The following COL8A1 variants were observed in gnomAD, a reference collection of about 807,000 sequenced individuals.
COL8A1 encodes the protein collagen alpha-1(VIII) chain.
In COL8A1, 21 loss-of-function variants were observed where a neutral mutation model predicts 42.7. The ratio of observed to expected loss-of-function variants is 0.49; its 90% CI spans 0.35 to 0.71. COL8A1 has a LOEUF of 0.71. Among genes scored for constraint, COL8A1 ranks in the 30% least tolerant of loss-of-function variants. COL8A1 has a pLI of 0.01. For missense variants in COL8A1, 788 were observed against 962.4 expected (o/e 0.82, Z 2.40); for synonymous variants, 367 against 369.1 (o/e 0.99, Z 0.06).
chr3:99,715,612 C>T (rs1452079716), intron 1 of COL8A1, among the ~76,000 whole-genome samples: 1 of 152,000 alleles, frequency 6.6e-6, no homozygotes, highest in Non-Finnish European at 1.5e-5. Context: ...TGACAGTTCC[C>T]AACCTCCCAA....
intron 1 of COL8A1, among the ~76,000 whole-genome samples, chr3:99,704,559 A>G (rs1002209240): frequency 3.3e-5 from 5 of 152,322 alleles, no homozygotes; most frequent in African/African-American, 9.6e-5. Context: ...AGTTAATATC[A>G]GGGTCGAATT....
intron 1 of COL8A1, among the ~76,000 whole-genome samples, chr3:99,653,135 A>T (rs547944820): frequency 5.2e-4 from 79 of 152,230 alleles, no homozygotes; most frequent in Non-Finnish European, 8.7e-4. Context: ...GGTGCTCAAT[A>T]AAAGTTTATT....
At chr3:99,641,559 G>A (rs368348980) in intron 1 of COL8A1, among the ~76,000 whole-genome samples, 32 of 152,292 alleles carry the variant, frequency 2.1e-4, no homozygotes, top group East Asian at 7.7e-4. Flanking sequence ...GATGGGTCAC[G>A]TCAACAAAAC....
chr3:99,730,050 G>A (rs1940455595), intron 1 of COL8A1, among the ~76,000 whole-genome samples: 1 of 152,060 alleles, frequency 6.6e-6, no homozygotes, highest in African/African-American at 2.4e-5. Flanking sequence ...ACCAAACTCT[G>A]GGATGATGTC....
At chr3:99,769,463 A>G (rs571186941) in intron 2 of COL8A1, among the ~76,000 whole-genome samples, 1 of 152,252 alleles carries the variant, frequency 6.6e-6, no homozygotes, top group African/African-American at 2.4e-5. Context: ...AAACTTTTCC[A>G]AAAGGCAGGG....
intron 2 of COL8A1, among the ~76,000 whole-genome samples, chr3:99,777,887 A>T (rs1233375100): frequency 6.6e-6 from 1 of 152,212 alleles, no homozygotes; most frequent in Non-Finnish European, 1.5e-5. Flanking sequence ...ATTGCTACAT[A>T]AGGGAAAGCT....
chr3:99,664,640 C>T (rs1195130071), intron 1 of COL8A1, among the ~76,000 whole-genome samples: 1 of 152,230 alleles, frequency 6.6e-6, no homozygotes, highest in African/African-American at 2.4e-5. Flanking sequence ...TCTGACATCC[C>T]TCTTCCCACT....
chr3:99,642,354 C>A (rs1037680535), intron 1 of COL8A1, among the ~76,000 whole-genome samples: 4 of 152,104 alleles, frequency 2.6e-5, no homozygotes, highest in African/African-American at 9.7e-5. Context: ...AGCCTGAAGT[C>A]GTGTGTACTC....
In COL8A1 at chr3:99,698,955, G is replaced by A. The variant is rs145060423; in HGVS notation, c.-128-45942G>A. Among the ~76,000 whole-genome samples the A allele has an allele frequency of 2.3e-3, 354 of 152,268 alleles. 4 individuals carry two copies. Among genetic ancestry groups the A allele is most frequent in the African/African-American group, 8.1e-3 (338 of 41,562 alleles). ...TAGTCAAGGAATGCTCCATAGAAGCGGGGAAGATAAGTCAAATTTGAAGAA... is the reference window on the plus strand; with the variant it reads ...TAGTCAAGGAATGCTCCATAGAAGCAGGGAAGATAAGTCAAATTTGAAGAA... On this transcript the variant is annotated intron_variant, in intron 1 of 3. Coordinates refer to ENST00000652472, the MANE Select transcript of COL8A1 (RefSeq NM_020351.4).
At chr3:99,648,631 A>G (rs762881556) in intron 1 of COL8A1, among the ~76,000 whole-genome samples, 17 of 152,194 alleles carry the variant, frequency 1.1e-4, no homozygotes, top group Non-Finnish European at 2.1e-4. Context: ...ACTCTCCCCA[A>G]GTGAAGACAA....
intron 2 of COL8A1, among the ~76,000 whole-genome samples, chr3:99,752,031 T>C (rs1433852169): frequency 6.6e-6 from 1 of 152,172 alleles, no homozygotes; most frequent in Non-Finnish European, 1.5e-5. Context: ...TTTAATGCAT[T>C]TATGAAAATA....
intron 2 of COL8A1, among the ~76,000 whole-genome samples, chr3:99,788,279 C>A (rs1221707782): frequency 1.3e-5 from 2 of 152,216 alleles, no homozygotes; most frequent in Non-Finnish European, 2.9e-5. Context: ...AGCTGGTTTA[C>A]AGGACAGATA....
intron 2 of COL8A1, among the ~76,000 whole-genome samples, chr3:99,777,670 G>C (rs1392649025): frequency 6.6e-6 from 1 of 152,216 alleles, no homozygotes; most frequent in African/African-American, 2.4e-5. Flanking sequence ...ATATTTCCCA[G>C]ACGTTTTTCT....
chr3:99,658,142 AC>A (rs1211556273), intron 1 of COL8A1, among the ~76,000 whole-genome samples: 5 of 151,332 alleles, frequency 3.3e-5, no homozygotes, highest in African/African-American at 1.2e-4. Flanking sequence ...AAAAAAAAAA[AC>A]ACCTTTCAAA....
intron 1 of COL8A1, among the ~76,000 whole-genome samples, chr3:99,669,122 A>T (rs1332639399): frequency 8.6e-6 from 1 of 116,216 alleles, no homozygotes; most frequent in East Asian, 2.5e-4. Flanking sequence ...TCTTAAAAAA[A>T]TTATATATAT....
At chr3:99,640,801 C>T (rs965015185) in intron 1 of COL8A1, among the ~76,000 whole-genome samples, 2 of 152,114 alleles carry the variant, frequency 1.3e-5, no homozygotes, top group African/African-American at 2.4e-5. Context: ...TTCATGTAGT[C>T]GCCCCCAAAT....
intron 1 of COL8A1, among the ~76,000 whole-genome samples, chr3:99,743,293 C>T (rs1304440407): frequency 6.6e-6 from 1 of 152,188 alleles, no homozygotes; most frequent in Non-Finnish European, 1.5e-5. Context: ...AATCCCATGG[C>T]TTTCCAGAGG....
chr3:99,665,767 C>T (rs1050856795), intron 1 of COL8A1, among the ~76,000 whole-genome samples: 4 of 150,082 alleles, frequency 2.7e-5, no homozygotes, highest in East Asian at 1.9e-4. Context: ...CTGCAACCTC[C>T]GCCTCCCGGG....
chr3:99,795,383 G>A lies in COL8A1; in HGVS notation c.1482G>A (p.Gln494=), dbSNP rs761493025. Residue 494 remains glutamine (Q), a synonymous_variant, in exon 4 of 4, where the codon CAG becomes CAA. Coordinates refer to ENST00000652472, the MANE Select transcript of COL8A1 (RefSeq NM_020351.4). The stretch of plus-strand genomic sequence containing the variant: ...GAATCCCAGGGGATCAGGGTTTACA[G>A]GGCCCCCCAGGTATCCCAGGGATTG... ...EPGIPGDQGL[Q]GPPGIPGIGG... The A allele has an allele frequency of 6.4e-7, 1 of 1,565,462 alleles. No homozygotes were observed. The highest frequency in any genetic ancestry group is 1.2e-5 in the South Asian group (1 of 85,578).
Sources: allele counts gnomAD v4.1 joint callset (sites outside exome capture counted in the v4.1 genomes callset), GRCh38; gene constraint gnomAD v4.1.1; transcripts MANE v1.5; gene names NCBI Gene and HGNC (gene_info 2026-07-23, HGNC 2026-07-21).